TPTE: variants seen among roughly 807,000 people sequenced by gnomAD.
TPTE encodes the protein putative tyrosine-protein phosphatase TPTE.
A neutral mutation model predicts 84.1 loss-of-function variants in TPTE; 59 were observed. The observed-to-expected ratio is 0.70, with a 90% CI of 0.57 to 0.87. The LOEUF is 0.87. Among genes scored for constraint, TPTE ranks in the 40% least tolerant of loss-of-function variants. The pLI is 0.00. For synonymous variants in TPTE, 130 were observed against 223.5 expected (o/e 0.58, Z 3.73); for missense variants, 382 against 659.6 (o/e 0.58, Z 4.61).
intron 3 of TPTE, among the ~76,000 whole-genome samples, chr21:10,528,463 C>T (rs1482257827): frequency 6.6e-6 from 1 of 152,302 alleles, no homozygotes; most frequent in African/African-American, 2.4e-5. Context: ...TCATATTTAC[C>T]ATATCTTTTA....
At chr21:10,592,805 G>GGTGTGTGTATGTGTGT in intron 19 of TPTE, among the ~76,000 whole-genome samples, 1 of 148,852 alleles carries the variant, frequency 6.7e-6, no homozygotes, top group East Asian at 2.0e-4. Context: ...GATGACTCCT[G>GGTGTGTGTATGTGTGT]GTGTGTGTGT....
chr21:10,579,409 G>T (rs1316886721), intron 17 of TPTE, among the ~76,000 whole-genome samples: 1 of 152,274 alleles, frequency 6.6e-6, no homozygotes, highest in Non-Finnish European at 1.5e-5. Flanking sequence ...AGAATCGCTT[G>T]AACCTGGGAG....
At chr21:10,538,790 A>G in intron 4 of TPTE, 56 bp downstream of exon 4, 10 of 1,614,016 alleles carry the variant, frequency 6.2e-6, no homozygotes, top group Non-Finnish European at 7.6e-6. Context: ...GCATAGAAGT[A>G]TTCACAGACA....
chr21:10,605,281 GAC>G, intron 23 of TPTE, 134 bp from the exon 24 acceptor site: 1 of 1,237,682 alleles, frequency 8.1e-7, no homozygotes, highest in South Asian at 1.7e-5. Context: ...AGCCAACTGA[GAC>G]ACAAAAAAAG....
At chr21:10,586,500 G>A (rs1353706975) in intron 17 of TPTE, among the ~76,000 whole-genome samples, 1 of 152,310 alleles carries the variant, frequency 6.6e-6, no homozygotes, top group Non-Finnish European at 1.5e-5. Context: ...GGTCGATATT[G>A]TCAAATGTTT....
intron 20 of TPTE, among the ~76,000 whole-genome samples, chr21:10,596,309 T>A (rs1291223485): frequency 6.6e-6 from 1 of 152,428 alleles, no homozygotes; most frequent in Non-Finnish European, 1.5e-5. Context: ...CATCACCAAT[T>A]TGGGGGACTT....
rs772320230 is a variant in TPTE at position 10,541,154 on chromosome 21, C to T, written c.54C>T (p.Gly18=). 8 of 1,613,048 alleles carry T rather than the reference C, an allele frequency of 5.0e-6. No homozygotes were observed. Among genetic ancestry groups the T allele is most frequent in the Non-Finnish European group, 6.8e-6 (8 of 1,179,230 alleles). ...TGGCGGGAGTCATCATTGAGCTCGG[C>T]CCCAATGACAGGTGAGTTATAAAAG... The part of the protein sequence containing the change: ...TDLAGVIIEL[G]PNDSPQTSEF... Residue 18 remains glycine, a synonymous_variant, in exon 5 of 24, where the codon GGC becomes GGT. Coordinates refer to ENST00000618007, the MANE Select transcript of TPTE (RefSeq NM_199261.4).
chr21:10,526,538 C>G (rs1204792343), intron 2 of TPTE, among the ~76,000 whole-genome samples: 1 of 152,308 alleles, frequency 6.6e-6, no homozygotes, highest in Non-Finnish European at 1.5e-5. Context: ...CAGTTGTTAT[C>G]AGCAGCAAAA....
chr21:10,596,409 G>C, intron 20 of TPTE, among the ~76,000 whole-genome samples: 1 of 152,310 alleles, frequency 6.6e-6, no homozygotes, highest in Non-Finnish European at 1.5e-5. Context: ...TGATGAGGGA[G>C]GAGGAGGACC....
intron 20 of TPTE, among the ~76,000 whole-genome samples, chr21:10,597,244 A>G (rs1180017024): frequency 4.6e-5 from 7 of 152,310 alleles, no homozygotes; most frequent in African/African-American, 1.7e-4. Flanking sequence ...TAACTATCGT[A>G]TATTTTTATA....
chr21:10,573,063 A>G (rs571524042), intron 14 of TPTE, among the ~76,000 whole-genome samples: 1 of 152,378 alleles, frequency 6.6e-6, no homozygotes, highest in African/African-American at 2.4e-5. Flanking sequence ...AAGATTTAAA[A>G]AAAAAAAAAA....
At chr21:10,532,421 A>G (rs560674484) in intron 3 of TPTE, among the ~76,000 whole-genome samples, 80 of 152,398 alleles carry the variant, frequency 5.2e-4, no homozygotes, top group African/African-American at 1.7e-3. Flanking sequence ...CCACAGGTCT[A>G]TTGTAGTAAT....
At chr21:10,568,500 G>T (rs1189845802) in intron 11 of TPTE, among the ~76,000 whole-genome samples, 1 of 152,312 alleles carries the variant, frequency 6.6e-6, no homozygotes, top group African/African-American at 2.4e-5. Flanking sequence ...GAAAATGAAA[G>T]AGCAAATGTA....
chr21:10,574,583 C>T (rs1294572981), intron 14 of TPTE, among the ~76,000 whole-genome samples: 1 of 152,312 alleles, frequency 6.6e-6, no homozygotes, highest in Non-Finnish European at 1.5e-5. Flanking sequence ...GCACCTTCAA[C>T]TGAGATAACC....
chr21:10,525,529 T>C (rs1192628931), intron 2 of TPTE, among the ~76,000 whole-genome samples: 3 of 152,308 alleles, frequency 2.0e-5, no homozygotes, highest in Non-Finnish European at 2.9e-5. Flanking sequence ...CTGAATGTTT[T>C]GTTAAATGAA....
chr21:10,573,059 TAAA>T (rs56182104), intron 14 of TPTE, among the ~76,000 whole-genome samples: 1 of 146,740 alleles, frequency 6.8e-6, no homozygotes, highest in Non-Finnish European at 1.5e-5. Flanking sequence ...TGCCAAGATT[TAAA>T]AAAAAAAAAA....
chr21:10,603,601 T>G lies in TPTE; in HGVS notation c.1489T>G (p.Trp497Gly). 1 of 1,612,596 alleles carries G rather than the reference T, an allele frequency of 6.2e-7. No homozygotes were observed. The highest frequency in any genetic ancestry group is 8.5e-7 in the Non-Finnish European group (1 of 1,178,884). Reference protein sequence around the residue: ...TYYDNCSFYFWLHTSFIENNR... With the variant: ...TYYDNCSFYFGLHTSFIENNR... ...CTATGACAATTGCTCATTTTACTTCTGGTTGCACACATCTTTTATTGAAAA... is the reference window on the plus strand; with the variant it reads ...CTATGACAATTGCTCATTTTACTTCGGGTTGCACACATCTTTTATTGAAAA... The change falls in exon 23 of 24, where the codon TGG becomes GGG. Residue 497 changes from tryptophan to glycine, a missense_variant. Transcript: ENST00000618007.
chr21:10,567,619 ATC>A, intron 10 of TPTE, 49 bp from the exon 11 acceptor site: 1 of 1,594,110 alleles, frequency 6.3e-7, no homozygotes, highest in Non-Finnish European at 8.5e-7. Context: ...AAATATTCCT[ATC>A]TCTTCTTGCA....
chr21:10,596,893 G>T (rs570727124), intron 20 of TPTE, among the ~76,000 whole-genome samples: 59 of 152,390 alleles, frequency 3.9e-4, no homozygotes, highest in African/African-American at 1.4e-3. Flanking sequence ...CACTTGGAAT[G>T]GGAAAGAGGG....
Sources: gnomAD v4.1 joint callset for allele counts (sites outside exome capture counted in the v4.1 genomes callset) on GRCh38, gnomAD v4.1.1 for gene constraint, MANE v1.5 for transcripts, NCBI Gene and HGNC (gene_info 2026-07-23, HGNC 2026-07-21) for gene names.